ATP6V0E1: variants seen among roughly 807,000 people sequenced by gnomAD.
The protein encoded by ATP6V0E1 is V-type proton ATPase subunit e 1.
A neutral mutation model predicts 11.6 loss-of-function variants in ATP6V0E1; 4 were observed. That is an observed-to-expected ratio of 0.35 (90% confidence interval 0.17 to 0.79). The LOEUF is 0.79. ATP6V0E1 is among the 30% of genes least tolerant of loss of function. The pLI is 0.54. For synonymous variants in ATP6V0E1, 36 were observed against 34.8 expected (o/e 1.04, Z -0.13); for missense variants, 105 against 100.0 (o/e 1.05, Z -0.21).
chr5:173,002,744 T>C lies in ATP6V0E1; in HGVS notation c.152+7922T>C, dbSNP rs757314566. 2.6e-5 allele frequency among the ~76,000 whole-genome samples: 4 copies of C among 152,194 alleles called. No homozygotes were observed. The East Asian group carries it at 5.8e-4, about 22-fold the overall frequency. On this transcript the variant is annotated intron_variant, in intron 2 of 3. Coordinates refer to ENST00000519374, the MANE Select transcript of ATP6V0E1 (RefSeq NM_003945.4). ...GGCTCATGCCTGTAATCTCAGCACT[T>C]TGGGAAGCTGAGGCAGGAGAATTGC... is the stretch of plus-strand genomic sequence containing the variant.
intron 3 of ATP6V0E1, among the ~76,000 whole-genome samples, chr5:173,025,553 C>A: frequency 7.2e-6 from 1 of 138,416 alleles, no homozygotes; most frequent in East Asian, 2.1e-4. Context: ...CTCTGTCACC[C>A]AGGCTGGAGT....
intron 2 of ATP6V0E1, among the ~76,000 whole-genome samples, chr5:173,003,111 TTATG>T (rs1261826862): frequency 4.0e-5 from 6 of 151,898 alleles, no homozygotes; most frequent in African/African-American, 1.5e-4. Context: ...GGTTCAGAGT[TTATG>T]TAAGGCCCAG....
chr5:173,015,538 T>A (rs912248792), intron 2 of ATP6V0E1, among the ~76,000 whole-genome samples: 5 of 151,894 alleles, frequency 3.3e-5, no homozygotes, highest in Non-Finnish European at 5.9e-5. Context: ...TGATCACCAA[T>A]GGCCCGTGAT....
At chr5:173,026,002 AT>A (rs1050899722) in intron 3 of ATP6V0E1, among the ~76,000 whole-genome samples, 39 of 143,986 alleles carry the variant, frequency 2.7e-4, no homozygotes, top group East Asian at 1.8e-3. Context: ...AAATAATAAT[AT>A]TTTTTTTTTT....
chr5:172,989,773 C>A (rs1333749799), intron 1 of ATP6V0E1, among the ~76,000 whole-genome samples: 4 of 152,118 alleles, frequency 2.6e-5, no homozygotes, highest in Admixed American at 6.6e-5. Flanking sequence ...GGCGATGCAC[C>A]CACCTTGGCC....
intron 3 of ATP6V0E1, among the ~76,000 whole-genome samples, chr5:173,028,314 C>G (rs961648474): frequency 6.6e-6 from 1 of 152,162 alleles, no homozygotes; most frequent in African/African-American, 2.4e-5. Flanking sequence ...GCTGACTTCA[C>G]TTTTTGGATG....
chr5:173,013,676 C>A (rs1234527274), intron 2 of ATP6V0E1, among the ~76,000 whole-genome samples: 1 of 151,626 alleles, frequency 6.6e-6, no homozygotes, highest in Non-Finnish European at 1.5e-5. Context: ...ATAAGGACCT[C>A]AAACAACTTA....
chr5:173,013,473 G>C (rs1372772832), intron 2 of ATP6V0E1, among the ~76,000 whole-genome samples: 1 of 151,372 alleles, frequency 6.6e-6, no homozygotes, highest in East Asian at 2.0e-4. Flanking sequence ...TACTCCGGAG[G>C]CTGAGGCAGG....
intron 2 of ATP6V0E1, among the ~76,000 whole-genome samples, chr5:172,996,083 A>G (rs1476460485): frequency 6.6e-6 from 1 of 152,340 alleles, no homozygotes; most frequent in Admixed American, 6.5e-5. Context: ...ATGAAAGACC[A>G]TGACTTTTTT....
At chr5:173,024,692 GTAATTAAGCATAATTGCTTCT>G in intron 3 of ATP6V0E1, among the ~76,000 whole-genome samples, 1 of 152,076 alleles carries the variant, frequency 6.6e-6, no homozygotes, top group East Asian at 1.9e-4. Context: ...GCTGCCTGGG[GTAATTAAGCATAATTGCTTCT>G]AAGCCTTTTC....
chr5:173,016,718 C>T (rs1039326962), intron 2 of ATP6V0E1, among the ~76,000 whole-genome samples: 1 of 152,210 alleles, frequency 6.6e-6, no homozygotes, highest in Non-Finnish European at 1.5e-5. Flanking sequence ...TTCCATGACT[C>T]TTAGCTCTGC....
At chr5:172,988,090 G>GT (rs1294084172) in intron 1 of ATP6V0E1, among the ~76,000 whole-genome samples, 1 of 150,818 alleles carries the variant, frequency 6.6e-6, no homozygotes, top group Non-Finnish European at 1.5e-5. Flanking sequence ...ACTTTTTTTT[G>GT]TTAAAAACTA....
chr5:173,024,375 G>GTTTTGTTGTTGTTGTT (rs1035375483), intron 3 of ATP6V0E1, among the ~76,000 whole-genome samples: 5 of 151,812 alleles, frequency 3.3e-5, no homozygotes, highest in African/African-American at 4.8e-5. Context: ...ATATGGTTGT[G>GTTTTGTTGTTGTTGTT]TTTTGTTGTT....
chr5:173,011,388 T>A (rs1481469038), intron 2 of ATP6V0E1, among the ~76,000 whole-genome samples: 1 of 152,116 alleles, frequency 6.6e-6, no homozygotes, highest in Non-Finnish European at 1.5e-5. Context: ...CTCGCCATGT[T>A]GCTCAGGCTG....
intron 2 of ATP6V0E1, among the ~76,000 whole-genome samples, chr5:173,016,422 T>C (rs532170272): frequency 3.9e-5 from 6 of 152,346 alleles, no homozygotes; most frequent in African/African-American, 1.4e-4. Context: ...TTTTCCACTC[T>C]CAGAAATAGC....
At chr5:172,986,227 G>GA (rs1755895228) in intron 1 of ATP6V0E1, among the ~76,000 whole-genome samples, 1 of 152,098 alleles carries the variant, frequency 6.6e-6, no homozygotes. Context: ...TGAAATTTCT[G>GA]AAAAAATATT....
chr5:172,993,826 A>G (rs1756023410), intron 1 of ATP6V0E1, among the ~76,000 whole-genome samples: 1 of 151,608 alleles, frequency 6.6e-6, no homozygotes, highest in Non-Finnish European at 1.5e-5. Flanking sequence ...AGCTATGATC[A>G]TGCCACTGCA....
At chr5:173,023,912 A>C (rs938524406) in intron 3 of ATP6V0E1, among the ~76,000 whole-genome samples, 1 of 152,090 alleles carries the variant, frequency 6.6e-6, no homozygotes, top group Non-Finnish European at 1.5e-5. Context: ...AATATAGATC[A>C]TGGGGCCGGG....
At chr5:173,013,182 T>TA (rs1009194567) in intron 2 of ATP6V0E1, among the ~76,000 whole-genome samples, 4 of 145,366 alleles carry the variant, frequency 2.8e-5, no homozygotes, top group African/African-American at 7.6e-5. Context: ...ACACTTGTGT[T>TA]AAAAAAAAGA....
Sources: gnomAD v4.1 joint callset for allele counts (sites outside exome capture counted in the v4.1 genomes callset) on GRCh38, gnomAD v4.1.1 for gene constraint, MANE v1.5 for transcripts, NCBI Gene and HGNC (gene_info 2026-07-23, HGNC 2026-07-21) for gene names.